The following EEF1AKMT1 variants were observed in gnomAD, a reference collection of about 807,000 sequenced individuals.
EEF1AKMT1 encodes the protein EEF1A lysine methyltransferase 1.
In EEF1AKMT1, 18 loss-of-function variants were observed where a neutral mutation model predicts 21.0. The observed-to-expected ratio is 0.86, with a 90% CI of 0.59 to 1.27. EEF1AKMT1 has a LOEUF of 1.27. EEF1AKMT1 is among the 50% of genes most tolerant of loss of function. The probability of loss-of-function intolerance (pLI) is 0.00; values close to 1 mark genes in which losing one functional copy is unlikely to be tolerated. For missense variants in EEF1AKMT1, 246 were observed against 258.6 expected (o/e 0.95, Z 0.33); for synonymous variants, 109 against 94.8 (o/e 1.15, Z -0.87).
chr13:20,743,804 TGCATGAG>T (rs1396565744), intron 2 of EEF1AKMT1, among the ~76,000 whole-genome samples: 3 of 151,948 alleles, frequency 2.0e-5, no homozygotes, highest in African/African-American at 7.2e-5. Flanking sequence ...AAGCCCCACA[TGCATGAG>T]GTATTTGTCC....
At position 20,739,054 on chromosome 13, in the gene EEF1AKMT1, C is replaced by T. The variant is rs564954305; in HGVS notation, c.145-1249G>A. On this transcript the variant is annotated intron_variant, in intron 2 of 4. Coordinates refer to ENST00000382758, the MANE Select transcript of EEF1AKMT1 (RefSeq NM_001318939.2). ...GTTCAGACGTATTCAAAGTTTCTTC[C>T]TCCTGGGGGGGTCGTGGTCTCGCTG... Among the ~76,000 whole-genome samples, 123 of 152,230 alleles carry T rather than the reference C, an allele frequency of 8.1e-4. 1 individual carries two copies. The highest frequency in any genetic ancestry group is 2.9e-3 in the African/African-American group (119 of 41,536).
intron 1 of EEF1AKMT1, among the ~76,000 whole-genome samples, chr13:20,766,015 A>G (rs1450613779): frequency 6.6e-6 from 1 of 152,004 alleles, no homozygotes; most frequent in East Asian, 1.9e-4. Flanking sequence ...AATATGCAAT[A>G]GAGGCTGGGC....
intron 2 of EEF1AKMT1, among the ~76,000 whole-genome samples, chr13:20,738,602 TG>T (rs1162395244): frequency 2.6e-5 from 4 of 152,058 alleles, no homozygotes; most frequent in African/African-American, 9.7e-5. Flanking sequence ...CATCAACTAA[TG>T]GATAGAAAAA....
intron 3 of EEF1AKMT1, among the ~76,000 whole-genome samples, chr13:20,733,748 T>C (rs1246786413): frequency 2.0e-5 from 3 of 152,204 alleles, no homozygotes; most frequent in East Asian, 1.9e-4. Context: ...CTGGATACAA[T>C]AGAGAAGAGA....
At chr13:20,750,511 A>G (rs2058934734) in intron 2 of EEF1AKMT1, among the ~76,000 whole-genome samples, 1 of 152,204 alleles carries the variant, frequency 6.6e-6, no homozygotes, top group African/African-American at 2.4e-5. Context: ...CTTTGCTGCA[A>G]ATGACATAAT....
intron 4 of EEF1AKMT1, among the ~76,000 whole-genome samples, chr13:20,730,666 C>G (rs2058787367): frequency 6.6e-6 from 1 of 152,092 alleles, no homozygotes; most frequent in Non-Finnish European, 1.5e-5. Flanking sequence ...ACTTGGAGAA[C>G]TTTTCTGTCT....
intron 2 of EEF1AKMT1, among the ~76,000 whole-genome samples, chr13:20,754,904 T>C (rs1023815463): frequency 6.1e-4 from 30 of 48,986 alleles, no homozygotes; most frequent in African/African-American, 1.4e-3. Flanking sequence ...AAAAAGAAAA[T>C]TAAAAAAAAA....
intron 1 of EEF1AKMT1, among the ~76,000 whole-genome samples, chr13:20,765,341 ATGTTATTATTGATATATTGTGCTTAAGCC>A (rs1938386626): frequency 6.8e-6 from 1 of 146,030 alleles, no homozygotes; most frequent in African/African-American, 2.6e-5. Flanking sequence ...TTTACACTTA[ATGTTATTATTGATATATTGTGCTTAAGCC>A]TATTTCATTA....
intron 1 of EEF1AKMT1, among the ~76,000 whole-genome samples, chr13:20,764,708 G>C (rs193126552): frequency 6.6e-6 from 1 of 152,038 alleles, no homozygotes; most frequent in Admixed American, 6.6e-5. Context: ...TACATACTTA[G>C]AACTGTTGTT....
At chr13:20,756,803 T>C (rs1263354479) in intron 2 of EEF1AKMT1, among the ~76,000 whole-genome samples, 1 of 152,252 alleles carries the variant, frequency 6.6e-6, no homozygotes, top group Non-Finnish European at 1.5e-5. Context: ...TTCTACACTG[T>C]TGTGCCCACC....
At chr13:20,739,550 T>C (rs889277984) in intron 2 of EEF1AKMT1, among the ~76,000 whole-genome samples, 3 of 152,180 alleles carry the variant, frequency 2.0e-5, no homozygotes, top group Non-Finnish European at 4.4e-5. Flanking sequence ...CACAGAGTGC[T>C]GATTGGTGCA....
At chr13:20,730,021 G>A (rs1379147993) in intron 4 of EEF1AKMT1, among the ~76,000 whole-genome samples, 2 of 152,230 alleles carry the variant, frequency 1.3e-5, no homozygotes, top group East Asian at 1.9e-4. Flanking sequence ...CTCCTGCCCC[G>A]ACTCTGCCCT....
intron 1 of EEF1AKMT1, among the ~76,000 whole-genome samples, chr13:20,771,474 G>A (rs1339092066): frequency 1.3e-5 from 2 of 152,124 alleles, no homozygotes; most frequent in Non-Finnish European, 2.9e-5. Flanking sequence ...TGTTCTTGGT[G>A]ATGAGTCTCA....
chr13:20,743,997 C>A (rs1717118393), intron 2 of EEF1AKMT1, among the ~76,000 whole-genome samples: 1 of 152,184 alleles, frequency 6.6e-6, no homozygotes, highest in African/African-American at 2.4e-5. Flanking sequence ...CTTCCACCTT[C>A]ATCCATATCC....
At chr13:20,754,271 T>C (rs78066914) in intron 2 of EEF1AKMT1, among the ~76,000 whole-genome samples, 1 of 45,852 alleles carries the variant, frequency 2.2e-5, no homozygotes, top group Non-Finnish European at 5.7e-5. Context: ...AGTTTTTTTT[T>C]CTTTTTTTTT....
intron 1 of EEF1AKMT1, among the ~76,000 whole-genome samples, chr13:20,758,105 C>A (rs1041942743): frequency 1.3e-5 from 2 of 152,174 alleles, no homozygotes; most frequent in African/African-American, 4.8e-5. Context: ...AATCCCCTTC[C>A]CTTTCCAGGT....
intron 2 of EEF1AKMT1, among the ~76,000 whole-genome samples, chr13:20,750,742 A>C (rs2141426744): frequency 6.6e-6 from 1 of 152,300 alleles, no homozygotes; most frequent in African/African-American, 2.4e-5. Context: ...TTCTGGTTTT[A>C]GTTTTTTGAG....
At chr13:20,756,475 T>C (rs1462023470) in intron 2 of EEF1AKMT1, among the ~76,000 whole-genome samples, 3 of 152,238 alleles carry the variant, frequency 2.0e-5, no homozygotes, top group Non-Finnish European at 4.4e-5. Context: ...CCGGCAATGA[T>C]AATATTTTCT....
intron 3 of EEF1AKMT1, among the ~76,000 whole-genome samples, chr13:20,735,666 G>A (rs1254924186): frequency 6.6e-6 from 1 of 152,136 alleles, no homozygotes; most frequent in African/African-American, 2.4e-5. Context: ...CCCAGTTTTC[G>A]AGTGCCCCAC....
Sources: allele counts gnomAD v4.1 joint callset (sites outside exome capture counted in the v4.1 genomes callset), GRCh38; gene constraint gnomAD v4.1.1; transcripts MANE v1.5; gene names NCBI Gene and HGNC (gene_info 2026-07-23, HGNC 2026-07-21).